The following CDH6 variants were observed in gnomAD, a reference collection of about 807,000 sequenced individuals.
CDH6 encodes cadherin-6.
A neutral mutation model predicts 78.0 loss-of-function variants in CDH6; 31 were observed. That is an observed-to-expected ratio of 0.40 (90% CI 0.30 to 0.54). CDH6 has a LOEUF of 0.54. Among genes scored for constraint, CDH6 ranks in the 20% least tolerant of loss-of-function variants. The probability of loss-of-function intolerance (pLI) is 0.56; values close to 1 mark genes in which losing one functional copy is unlikely to be tolerated. For synonymous variants in CDH6, 376 were observed against 368.8 expected (o/e 1.02, Z -0.23); for missense variants, 724 against 975.9 (o/e 0.74, Z 3.44).
chr5:31,279,340 G>A (rs748296747), intron 2 of CDH6, among the ~76,000 whole-genome samples: 21 of 152,100 alleles, frequency 1.4e-4, no homozygotes, highest in Non-Finnish European at 2.8e-4. Flanking sequence ...GGCCGAGGTG[G>A]GTGGATCACC....
intron 1 of CDH6, among the ~76,000 whole-genome samples, chr5:31,209,365 A>G (rs1177370571): frequency 6.6e-6 from 1 of 152,202 alleles, no homozygotes; most frequent in South Asian, 2.1e-4. Context: ...AAAGCCTTCC[A>G]ATCAGTAACC....
At chr5:31,203,337 G>A (rs1453661515) in intron 1 of CDH6, among the ~76,000 whole-genome samples, 3 of 140,386 alleles carry the variant, frequency 2.1e-5, no homozygotes, top group Non-Finnish European at 3.1e-5. Context: ...ATGCTGGTGC[G>A]CTGCACCCAC....
At chr5:31,220,209 T>C (rs1350304146) in intron 1 of CDH6, among the ~76,000 whole-genome samples, 2 of 152,232 alleles carry the variant, frequency 1.3e-5, no homozygotes, top group African/African-American at 4.8e-5. Flanking sequence ...TTCTACCTGC[T>C]AACCAGTTCC....
chr5:31,222,022 C>T (rs981792670), intron 1 of CDH6, among the ~76,000 whole-genome samples: 1 of 152,118 alleles, frequency 6.6e-6, no homozygotes, highest in Non-Finnish European at 1.5e-5. Context: ...GTTAGCTTGC[C>T]TTTCTCTACC....
chr5:31,243,305 C>A (rs570393587), intron 1 of CDH6, among the ~76,000 whole-genome samples: 1 of 152,154 alleles, frequency 6.6e-6, no homozygotes, highest in South Asian at 2.1e-4. Flanking sequence ...GCAAGGTAAC[C>A]ATCCCAATTA....
intron 1 of CDH6, among the ~76,000 whole-genome samples, chr5:31,242,846 A>T (rs1305557173): frequency 2.0e-5 from 3 of 149,544 alleles, no homozygotes; most frequent in African/African-American, 7.5e-5. Context: ...ACATAATGAG[A>T]CCTCGCCTCT....
Position 31,282,588 on chromosome 5 carries a change from G to A in CDH6, c.229-11374G>A, listed in dbSNP as rs571182187. On this transcript the variant is annotated intron_variant, in intron 2 of 11. Coordinates refer to ENST00000265071, the MANE Select transcript of CDH6 (RefSeq NM_004932.4). ...ACATGTGTAAAGTTCTTTTTGCCAT[G>A]TGAGGAAACACAGTCACAGGTCCCG... Among the ~76,000 whole-genome samples the A allele has an allele frequency of 6.0e-4, 92 of 152,264 alleles. 1 individual carries two copies. The highest frequency in any genetic ancestry group is 2.0e-3 in the African/African-American group (84 of 41,562).
At chr5:31,227,569 C>G (rs1422978467) in intron 1 of CDH6, among the ~76,000 whole-genome samples, 4 of 152,186 alleles carry the variant, frequency 2.6e-5, no homozygotes, top group African/African-American at 9.7e-5. Context: ...AGCAGTGCAT[C>G]AGAGGCAAAC....
At chr5:31,317,980 C>T (rs780275234) in intron 11 of CDH6, 56 bp downstream of exon 11, 2 of 1,585,436 alleles carry the variant, frequency 1.3e-6, no homozygotes, top group East Asian at 2.2e-5. Flanking sequence ...CACACTGTTA[C>T]TGTGACACTC....
intron 1 of CDH6, among the ~76,000 whole-genome samples, chr5:31,233,839 C>T (rs1185087147): frequency 1.3e-5 from 2 of 152,200 alleles, no homozygotes; most frequent in Admixed American, 6.5e-5. Flanking sequence ...ACTTTACCTC[C>T]ATAGGCCTCA....
At chr5:31,282,385 TTC>T (rs1204293707) in intron 2 of CDH6, among the ~76,000 whole-genome samples, 6 of 151,770 alleles carry the variant, frequency 4.0e-5, no homozygotes, top group African/African-American at 7.3e-5. Flanking sequence ...AGACTTCAAA[TTC>T]TCTCTCTCTC....
intron 1 of CDH6, among the ~76,000 whole-genome samples, chr5:31,239,299 A>T (rs1370430164): frequency 6.6e-6 from 1 of 152,192 alleles, no homozygotes; most frequent in East Asian, 1.9e-4. Flanking sequence ...CACAGAACAA[A>T]TTAGGAACAC....
intron 1 of CDH6, among the ~76,000 whole-genome samples, chr5:31,265,827 T>C (rs1474944829): frequency 7.6e-6 from 1 of 131,676 alleles, no homozygotes; most frequent in Non-Finnish European, 1.5e-5. Flanking sequence ...CAGGCTGGAG[T>C]GCAGTGGTGC....
intron 7 of CDH6, among the ~76,000 whole-genome samples, chr5:31,307,734 T>C (rs1290988277): frequency 6.6e-6 from 1 of 152,234 alleles, no homozygotes; most frequent in African/African-American, 2.4e-5. Flanking sequence ...AGTTTACAAA[T>C]ATGAGCTTTG....
intron 6 of CDH6, among the ~76,000 whole-genome samples, chr5:31,302,911 G>GAA (rs1404120959): frequency 2.0e-5 from 2 of 101,430 alleles, no homozygotes; most frequent in Non-Finnish European, 4.4e-5. Context: ...AAAAAAGAAA[G>GAA]AAAGAAAGAA....
At chr5:31,234,491 C>T (rs1235675975) in intron 1 of CDH6, among the ~76,000 whole-genome samples, 1 of 152,156 alleles carries the variant, frequency 6.6e-6, no homozygotes, top group African/African-American at 2.4e-5. Flanking sequence ...TTACTAATAA[C>T]TAGATGCCAT....
intron 1 of CDH6, among the ~76,000 whole-genome samples, chr5:31,199,466 A>G (rs200081600): frequency 4.5e-5 from 3 of 65,994 alleles, no homozygotes; most frequent in African/African-American, 1.0e-4. Flanking sequence ...GTGTATATAT[A>G]CACACACATA....
chr5:31,302,474 G>A (rs907917218), intron 6 of CDH6, 176 bp downstream of exon 6: 32 of 498,382 alleles, frequency 6.4e-5, no homozygotes, highest in Non-Finnish European at 1.1e-4. Context: ...TGTAATCCCA[G>A]CACTTTTGGG....
chr5:31,278,113 G>A (rs1742749011), intron 2 of CDH6, among the ~76,000 whole-genome samples: 1 of 152,078 alleles, frequency 6.6e-6, no homozygotes, highest in Non-Finnish European at 1.5e-5. Flanking sequence ...TGATTTCTAT[G>A]CCTCCCAATT....
Sources: allele counts gnomAD v4.1 joint callset (sites outside exome capture counted in the v4.1 genomes callset), GRCh38; gene constraint gnomAD v4.1.1; transcripts MANE v1.5; gene names NCBI Gene and HGNC (gene_info 2026-07-23, HGNC 2026-07-21).